The following NRG3 variants were observed in gnomAD, a reference collection of about 807,000 sequenced individuals.
NRG3 encodes pro-neuregulin-3, membrane-bound isoform.
NRG3 carries 31 observed loss-of-function variants against 66.9 expected under a neutral mutation model. The observed-to-expected ratio is 0.46, with a 90% confidence interval of 0.35 to 0.63. The LOEUF is 0.63. NRG3 is among the 20% of genes least tolerant of loss of function. The probability of loss-of-function intolerance (pLI) is 0.00; values close to 1 mark genes in which losing one functional copy is unlikely to be tolerated. For synonymous variants in NRG3, 393 were observed against 359.4 expected, an observed-to-expected ratio of 1.09 and a Z score of -1.06; for missense variants, 910 against 878.9, an observed-to-expected ratio of 1.04 and a Z score of -0.45.
chr10:82,372,025 C>A (rs142337540), intron 2 of NRG3, among the ~76,000 whole-genome samples: 369 of 152,284 alleles, frequency 2.4e-3, no homozygotes, highest in African/African-American at 8.4e-3. Context: ...ATATCCAAAT[C>A]ATAGCACTCA....
intron 1 of NRG3, among the ~76,000 whole-genome samples, chr10:81,920,731 C>A (rs1288595418): frequency 1.3e-5 from 2 of 152,138 alleles, no homozygotes; most frequent in African/African-American, 4.8e-5. Context: ...AAGTACACAT[C>A]TTATTTCACA....
At chr10:82,577,490 A>G (rs2046096306) in intron 2 of NRG3, among the ~76,000 whole-genome samples, 2 of 151,864 alleles carry the variant, frequency 1.3e-5, no homozygotes, top group African/African-American at 2.4e-5. Flanking sequence ...GACAAATTCT[A>G]TACAATTAAA....
intron 1 of NRG3, among the ~76,000 whole-genome samples, chr10:82,353,723 C>T (rs1281455178): frequency 6.6e-6 from 1 of 152,194 alleles, no homozygotes; most frequent in Non-Finnish European, 1.5e-5. Flanking sequence ...CTTCCTTAAA[C>T]TGATCCCTAG....
intron 3 of NRG3, among the ~76,000 whole-genome samples, chr10:82,774,637 A>G (rs1179522019): frequency 2.6e-5 from 4 of 151,052 alleles, no homozygotes; most frequent in Admixed American, 1.3e-4. Context: ...TTTCATTTCT[A>G]TTTTATGTAC....
intron 1 of NRG3, among the ~76,000 whole-genome samples, chr10:82,105,797 A>C (rs893613675): frequency 2.0e-5 from 3 of 152,254 alleles, no homozygotes; most frequent in Non-Finnish European, 4.4e-5. Flanking sequence ...ACAGGGATAA[A>C]GGAATGTCAA....
At chr10:81,927,923 T>C (rs1345439945) in intron 1 of NRG3, among the ~76,000 whole-genome samples, 4 of 152,182 alleles carry the variant, frequency 2.6e-5, no homozygotes, top group Non-Finnish European at 4.4e-5. Flanking sequence ...ACAGATTCCT[T>C]GTAGCAATAA....
At chr10:82,822,947 A>G (rs1049449344) in intron 3 of NRG3, among the ~76,000 whole-genome samples, 1 of 152,218 alleles carries the variant, frequency 6.6e-6, no homozygotes, top group Admixed American at 6.5e-5. Context: ...TAGCGGGGCT[A>G]ACAGGCTGAC....
chr10:82,753,612 A>C (rs1471541797), intron 3 of NRG3, among the ~76,000 whole-genome samples: 1 of 147,994 alleles, frequency 6.8e-6, no homozygotes, highest in Non-Finnish European at 1.5e-5. Context: ...TATTAGAATA[A>C]TTCATTTTTT....
chr10:82,754,870 G>C (rs749292792), intron 3 of NRG3, among the ~76,000 whole-genome samples: 3 of 152,088 alleles, frequency 2.0e-5, no homozygotes, highest in Non-Finnish European at 4.4e-5. Context: ...TTACTAATAT[G>C]TAAGGAGCAT....
intron 2 of NRG3, among the ~76,000 whole-genome samples, chr10:82,415,646 T>A (rs1455802518): frequency 1.3e-5 from 2 of 152,192 alleles, no homozygotes; most frequent in Non-Finnish European, 2.9e-5. Context: ...GAATTTATTT[T>A]AAGGAAAGTG....
chr10:81,968,770 G>T (rs979765144), intron 1 of NRG3, among the ~76,000 whole-genome samples: 2 of 152,166 alleles, frequency 1.3e-5, no homozygotes, highest in African/African-American at 4.8e-5. Context: ...GAATAGAATA[G>T]AATCTAAAGA....
chr10:82,237,053 T>C (rs1026782754), intron 1 of NRG3, among the ~76,000 whole-genome samples: 3 of 152,134 alleles, frequency 2.0e-5, no homozygotes, highest in Non-Finnish European at 4.4e-5. Context: ...TATCAGACAA[T>C]GTCTTTTCAA....
intron 3 of NRG3, among the ~76,000 whole-genome samples, chr10:82,849,725 T>C (rs564167597): frequency 1.1e-4 from 17 of 152,292 alleles, no homozygotes; most frequent in African/African-American, 3.8e-4. Flanking sequence ...GAATGTATTT[T>C]GGTTAGAAGA....
chr10:82,230,162 T>C (rs1435938200), intron 1 of NRG3: 6 of 152,254 alleles, frequency 3.9e-5, no homozygotes, highest in Admixed American at 3.9e-4. Flanking sequence ...CCCAACATTA[T>C]GAAAAAAATT....
chr10:82,799,548 T>G (rs1029665844), intron 3 of NRG3, among the ~76,000 whole-genome samples: 1 of 145,196 alleles, frequency 6.9e-6, no homozygotes, highest in African/African-American at 2.6e-5. Context: ...AAAAAGACAT[T>G]TCAGTCTAAC....
intron 1 of NRG3, among the ~76,000 whole-genome samples, chr10:82,103,059 T>A (rs1020076495): frequency 6.6e-6 from 1 of 152,160 alleles, no homozygotes; most frequent in Non-Finnish European, 1.5e-5. Context: ...ACTATCTTCA[T>A]CTGAGAATAT....
chr10:82,355,855 G>C (rs1045787137), intron 1 of NRG3, among the ~76,000 whole-genome samples: 10 of 152,070 alleles, frequency 6.6e-5, no homozygotes, highest in Non-Finnish European at 1.0e-4. Context: ...GATAATTGCA[G>C]TTATTTACTT....
chr10:82,338,210 CT>C (rs1309834761), intron 1 of NRG3, among the ~76,000 whole-genome samples: 1 of 152,208 alleles, frequency 6.6e-6, no homozygotes, highest in East Asian at 1.9e-4. Flanking sequence ...AGGTAGTGCA[CT>C]TGTGAGATCA....
intron 1 of NRG3, among the ~76,000 whole-genome samples, chr10:82,018,802 C>T (rs1164412011): frequency 3.9e-5 from 6 of 152,148 alleles, no homozygotes; most frequent in Non-Finnish European, 8.8e-5. Context: ...TGAGACTTTG[C>T]TGAAGTTGCT....
Sources: allele counts gnomAD v4.1 joint callset (sites outside exome capture counted in the v4.1 genomes callset), GRCh38; gene constraint gnomAD v4.1.1; transcripts MANE v1.5; gene names NCBI Gene and HGNC (gene_info 2026-07-23, HGNC 2026-07-21).